BBS2: variants seen among roughly 807,000 people sequenced by gnomAD.
BBS2 encodes the protein Bardet-Biedl syndrome 2, also known as BBSome complex member BBS2.
A neutral mutation model predicts 83.0 loss-of-function variants in BBS2; 62 were observed. That is an observed-to-expected ratio of 0.75 (90% confidence interval 0.61 to 0.92). The LOEUF (loss-of-function observed/expected upper bound fraction) is 0.92, where lower values mean the gene tolerates loss of function less well. Among genes scored for constraint, BBS2 ranks in the 40% least tolerant of loss-of-function variants. The probability of loss-of-function intolerance (pLI) is 0.00; values close to 1 mark genes in which losing one functional copy is unlikely to be tolerated. For synonymous variants in BBS2, 303 were observed against 326.1 expected, an observed-to-expected ratio of 0.93 and a Z score of 0.76; for missense variants, 784 against 901.0, an observed-to-expected ratio of 0.87 and a Z score of 1.66.
intron 15 of BBS2, 105 bp from the exon 16 acceptor site, chr16:56,485,843 G>A: frequency 9.6e-7 from 1 of 1,044,936 alleles, no homozygotes; most frequent in Non-Finnish European, 1.5e-6. Flanking sequence ...CCATTTTTAA[G>A]CTATATTTTC....
rs1567575187 is a variant in BBS2, at chr16:56,501,350, T to C, written c.1225+3A>G. On this transcript the variant is annotated splice_donor_region_variant and intron_variant, in intron 10 of 16. Coordinates refer to ENST00000245157, the MANE Select transcript of BBS2 (RefSeq NM_031885.5). ...TAAATACCAGCTGTGAGTACTGTCT[T>C]ACCATTAGAAGTGGAAATGCGTAAT... 4 of 1,613,992 alleles carry C rather than the reference T, an allele frequency of 2.5e-6. No homozygotes were observed. The highest frequency in any genetic ancestry group is 1.7e-5 in the Admixed American group (1 of 60,014).
intron 1 of BBS2, 171 bp downstream of exon 1, chr16:56,519,575 C>CT (rs1964857646): frequency 1.7e-6 from 1 of 605,522 alleles, no homozygotes; most frequent in African/African-American, 1.8e-5. Context: ...AGCTCTTCCT[C>CT]TAAGACCCCA....
chr16:56,475,375 A>G, intron 17 of BBS2: 1 of 819,030 alleles, frequency 1.2e-6, no homozygotes, highest in Admixed American at 2.1e-5. Context: ...TCAAGCTCAT[A>G]AGTCATAGAA....
chr16:56,475,994 T>G (rs765768904), intron 17 of BBS2: 4 of 1,513,744 alleles, frequency 2.6e-6, no homozygotes, highest in Non-Finnish European at 3.6e-6. Context: ...CATCCAAGAT[T>G]TGAGAATAAG....
chr16:56,471,762 T>A (rs552679331), intron 17 of BBS2, among the ~76,000 whole-genome samples: 1 of 152,246 alleles, frequency 6.6e-6, no homozygotes, highest in Non-Finnish European at 1.5e-5. Context: ...CTTTGGCCAC[T>A]GCAGATATTT....
chr16:56,474,967 C>T (rs1482675093), intron 17 of BBS2: 2 of 1,612,428 alleles, frequency 1.2e-6, no homozygotes, highest in Non-Finnish European at 1.7e-6. Flanking sequence ...GGGAGGAAAG[C>T]AAGCGGTGGA....
At chr16:56,472,650 AAAT>A (rs1464743979) in intron 17 of BBS2, among the ~76,000 whole-genome samples, 5 of 152,216 alleles carry the variant, frequency 3.3e-5, no homozygotes, top group Non-Finnish European at 7.3e-5. Flanking sequence ...AGAAAAAGGA[AAAT>A]AATAATCTAC....
intron 17 of BBS2, among the ~76,000 whole-genome samples, chr16:56,474,557 TG>T (rs1411580610): frequency 6.6e-6 from 1 of 152,062 alleles, no homozygotes; most frequent in East Asian, 1.9e-4. Flanking sequence ...CGACCTCAGG[TG>T]ATCTGCCCAC....
chr16:56,519,143 C>G (rs1964838809), intron 1 of BBS2, among the ~76,000 whole-genome samples: 1 of 151,876 alleles, frequency 6.6e-6, no homozygotes, highest in Admixed American at 6.6e-5. Flanking sequence ...CCAGCCTGGC[C>G]AACATGGTGA....
chr16:56,480,366 C>CAAAAAAAAAAAAAAAAAAAAAAAAAA (rs1157907841), downstream of BBS2, among the ~76,000 whole-genome samples: 2 of 90,260 alleles, frequency 2.2e-5, no homozygotes, highest in East Asian at 2.7e-4. Flanking sequence ...AAAAAAAAAA[C>CAAAAAAAAAAAAAAAAAAAAAAAAAA]AAAAAAAAAA....
At chr16:56,510,745 C>G in intron 4 of BBS2, 114 bp downstream of exon 4, 3 of 1,107,890 alleles carry the variant, frequency 2.7e-6, no homozygotes, top group South Asian at 1.2e-5. Flanking sequence ...ATTTAGGCAA[C>G]AGAGCACCAA....
In BBS2 at chr16:56,514,536, C is replaced by T; in HGVS notation, c.262G>A (p.Gly88Ser). The change falls in exon 2 of 17, where the codon GGC becomes AGC. Residue 88 changes from glycine (G) to serine (S), a missense_variant. Gly to Ser is a moderately conservative substitution (Grantham distance 56, BLOSUM62 0). Transcript: ENST00000245157. ...GTCCCCACTAAAAGGGCATCATAGC[C>T]AAGCTCAGGGTTCAATACGCCTGCA... ...LTAGVLNPEL[G>S]YDALLVGTQT... 2 of 1,614,152 alleles carry T rather than the reference C, an allele frequency of 1.2e-6. No homozygotes were observed. Among genetic ancestry groups the T allele is most frequent in the South Asian group, 2.2e-5 (2 of 91,088 alleles).
chr16:56,470,850 T>C, intron 17 of BBS2: 1 of 1,442,742 alleles, frequency 6.9e-7, no homozygotes, highest in Non-Finnish European at 9.2e-7. Context: ...TTCAAACATG[T>C]ATTCATTCAA....
At chr16:56,471,583 C>T (rs1963187414) in intron 17 of BBS2, among the ~76,000 whole-genome samples, 1 of 152,222 alleles carries the variant, frequency 6.6e-6, no homozygotes, top group African/African-American at 2.4e-5. Flanking sequence ...GAACATCTGT[C>T]ACCCAGTTTA....
At chr16:56,482,302 G>C (rs7185047), downstream of BBS2, among the ~76,000 whole-genome samples, 11,581 of 152,134 alleles carry the variant, frequency 0.076, 652 homozygotes, top group East Asian at 0.15. Flanking sequence ...CTAACTCTGT[G>C]ACCTGAAAAG....
intron 15 of BBS2, among the ~76,000 whole-genome samples, chr16:56,492,189 C>T (rs1476222325): frequency 6.6e-6 from 1 of 151,978 alleles, no homozygotes. Context: ...GAAGACAAGA[C>T]CCTGAAGACC....
chr16:56,514,045 A>T (rs1964656987), intron 2 of BBS2, among the ~76,000 whole-genome samples: 1 of 152,330 alleles, frequency 6.6e-6, no homozygotes, highest in Middle Eastern at 3.4e-3. Context: ...TTCTGTAACA[A>T]ATATGAATTG....
chr16:56,485,560 C>A (rs1171049343), intron 16 of BBS2, 30 bp downstream of exon 16: 3 of 1,613,062 alleles, frequency 1.9e-6, no homozygotes, highest in South Asian at 1.1e-5. Flanking sequence ...CATTACAGAT[C>A]AAAGTGCAGT....
At chr16:56,509,910 G>C (rs371749476) in intron 5 of BBS2, 47 bp downstream of exon 5, 3 of 1,585,752 alleles carry the variant, frequency 1.9e-6, no homozygotes, top group African/African-American at 2.7e-5. Context: ...TGACAGTACT[G>C]ATCTATCTTG....
Sources: allele counts gnomAD v4.1 joint callset (sites outside exome capture counted in the v4.1 genomes callset), GRCh38; gene constraint gnomAD v4.1.1; transcripts MANE v1.5; gene names NCBI Gene and HGNC (gene_info 2026-07-23, HGNC 2026-07-21).